Variants in PCCB observed in about 807,000 individuals in gnomAD.
PCCB encodes the protein propionyl-CoA carboxylase beta chain, mitochondrial.
A neutral mutation model predicts 60.7 loss-of-function variants in PCCB; 43 were observed. The ratio of observed to expected loss-of-function variants is 0.71; its 90% CI spans 0.55 to 0.91. The LOEUF (loss-of-function observed/expected upper bound fraction) is 0.91. PCCB is among the 40% of genes least tolerant of loss of function. The pLI is 0.00. For synonymous variants in PCCB, 276 were observed against 255.9 expected (o/e 1.08, Z -0.75); for missense variants, 766 against 702.8 (o/e 1.09, Z -1.02).
chr3:136,291,711 G>A (rs1933697909), intron 6 of PCCB, among the ~76,000 whole-genome samples: 1 of 152,164 alleles, frequency 6.6e-6, no homozygotes, highest in African/African-American at 2.4e-5. Flanking sequence ...ACTTCAGCAG[G>A]TTAGGCTCTT....
chr3:136,254,026 T>A (rs1208213610), intron 1 of PCCB, among the ~76,000 whole-genome samples: 2 of 152,022 alleles, frequency 1.3e-5, no homozygotes, highest in African/African-American at 4.8e-5. Flanking sequence ...TACGTGACAG[T>A]GTATAGGATT....
At chr3:136,282,956 T>C (rs1942519491) in intron 5 of PCCB, among the ~76,000 whole-genome samples, 1 of 152,204 alleles carries the variant, frequency 6.6e-6, no homozygotes, top group Admixed American at 6.5e-5. Context: ...TTTTTGACAA[T>C]GCTGTCCAGT....
chr3:136,257,444 C>T (rs936562919), intron 3 of PCCB, among the ~76,000 whole-genome samples: 1 of 152,130 alleles, frequency 6.6e-6, no homozygotes, highest in East Asian at 1.9e-4. Context: ...TCCTGTGTAG[C>T]GCTTCTAAAT....
intron 9 of PCCB, among the ~76,000 whole-genome samples, chr3:136,301,608 G>C (rs1934285265): frequency 6.6e-6 from 1 of 151,974 alleles, no homozygotes; most frequent in African/African-American, 2.4e-5. Flanking sequence ...TTAAGTAAAG[G>C]GGACAGTGTT....
At position 136,326,881 on chromosome 3, in the gene PCCB, C is replaced by G. The variant is rs201880353; in HGVS notation, c.1169C>G (p.Thr390Ser). 14 of 1,612,016 alleles carry G rather than the reference C, an allele frequency of 8.7e-6. No individual in the cohort carries two copies. Among genetic ancestry groups the G allele is most frequent in the Admixed American group, 1.7e-5 (1 of 60,002 alleles). ...GATGCATTCAATATTCCACTCATCACTTTTGTTGATGTCCCTGGCTTTCTA... is the reference window on the plus strand; with the variant it reads ...GATGCATTCAATATTCCACTCATCAGTTTTGTTGATGTCCCTGGCTTTCTA... ...FCDAFNIPLI[T>S]FVDVPGFLPG... is the part of the protein sequence containing the mutation. Residue 390 changes from threonine (T) to serine (S), a missense_variant, in exon 11 of 15, where the codon ACT becomes AGT. Thr to Ser is a moderately conservative substitution (Grantham distance 58). Transcript: ENST00000251654.
At chr3:136,263,245 G>A (rs1370839055) in intron 5 of PCCB, among the ~76,000 whole-genome samples, 2 of 134,656 alleles carry the variant, frequency 1.5e-5, no homozygotes, top group South Asian at 2.5e-4. Flanking sequence ...GAGCCACCGC[G>A]CCCAGCTGGT....
intron 10 of PCCB, among the ~76,000 whole-genome samples, chr3:136,319,346 G>T (rs1935027110): frequency 6.7e-6 from 1 of 149,624 alleles, no homozygotes; most frequent in Non-Finnish European, 1.5e-5. Context: ...TGTTCTATAG[G>T]TTGTCCTTGC....
rs763485353 is a variant in PCCB at position 136,255,964 on chromosome 3, GATAAGA to G, written c.298_303del (p.Asn100_Lys101del). On this transcript the variant is annotated inframe_deletion, in exon 2 of 15. Coordinates refer to ENST00000251654, the MANE Select transcript of PCCB (RefSeq NM_000532.5). ...ATGTGCAGATTTTGGAATGGCTGCT[GATAAGA>G]ATAAGGTATTTGTTCAAATGGTGGT... 1.2e-6 allele frequency: 2 copies of G among 1,614,186 alleles called. No individual in the cohort carries two copies. The highest frequency in any genetic ancestry group is 1.1e-5 in the South Asian group (1 of 91,082).
chr3:136,275,877 T>G (rs1182491199), intron 5 of PCCB, among the ~76,000 whole-genome samples: 1 of 152,162 alleles, frequency 6.6e-6, no homozygotes, highest in Non-Finnish European at 1.5e-5. Context: ...TTCAAGTGAT[T>G]CTCCTGCCTC....
chr3:136,278,226 C>T (rs888578784), intron 5 of PCCB, among the ~76,000 whole-genome samples: 1 of 152,150 alleles, frequency 6.6e-6, no homozygotes, highest in Non-Finnish European at 1.5e-5. Context: ...CCCCCATGGC[C>T]TGGATTTTCA....
chr3:136,279,387 G>A (rs1560008435), intron 5 of PCCB, among the ~76,000 whole-genome samples: 1 of 152,110 alleles, frequency 6.6e-6, no homozygotes. Flanking sequence ...CCTTGGGGTG[G>A]TGATATTTAG....
intron 9 of PCCB, 30 bp downstream of exon 9, chr3:136,301,141 T>C: frequency 6.4e-7 from 1 of 1,561,908 alleles, no homozygotes; most frequent in Non-Finnish European, 8.8e-7. Context: ...GTCTTGCCTG[T>C]CCTAGTCAGC....
intron 9 of PCCB, among the ~76,000 whole-genome samples, chr3:136,301,392 A>G (rs1450674909): frequency 6.6e-6 from 1 of 152,098 alleles, no homozygotes; most frequent in Non-Finnish European, 1.5e-5. Flanking sequence ...TGAGGATCAT[A>G]AATTAGGGGC....
intron 9 of PCCB, among the ~76,000 whole-genome samples, chr3:136,314,480 C>T (rs1934800759): frequency 6.6e-6 from 1 of 151,984 alleles, no homozygotes; most frequent in African/African-American, 2.4e-5. Context: ...TACGGTGAAA[C>T]CCTGTCTCTA....
At chr3:136,317,457 G>T (rs1450845821) in intron 10 of PCCB, among the ~76,000 whole-genome samples, 1 of 151,784 alleles carries the variant, frequency 6.6e-6, no homozygotes, top group Non-Finnish European at 1.5e-5. Context: ...TTGAACTCCT[G>T]AGCTCAAGTG....
At chr3:136,325,531 A>AT (rs1350988720) in intron 10 of PCCB, among the ~76,000 whole-genome samples, 1 of 149,752 alleles carries the variant, frequency 6.7e-6, no homozygotes, top group Non-Finnish European at 1.5e-5. Flanking sequence ...TAATTTTTGT[A>AT]TTTTTTAGTA....
At chr3:136,291,963 C>T (rs769875402) in intron 6 of PCCB, among the ~76,000 whole-genome samples, 5 of 152,168 alleles carry the variant, frequency 3.3e-5, no homozygotes, top group Non-Finnish European at 7.4e-5. Context: ...AGCAATTTGT[C>T]AGCTATAGTT....
chr3:136,329,370 C>T (rs779197097), intron 14 of PCCB, among the ~76,000 whole-genome samples: 2 of 152,144 alleles, frequency 1.3e-5, no homozygotes, highest in Non-Finnish European at 2.9e-5. Context: ...GAGGCTAGTC[C>T]AGGCTTCCTT....
At chr3:136,328,702 G>A (rs1935421908) in intron 13 of PCCB, 56 bp from the exon 14 acceptor site, 1 of 1,363,860 alleles carries the variant, frequency 7.3e-7, no homozygotes, top group Non-Finnish European at 1.0e-6. Context: ...ATGAGTTGAA[G>A]GAGATCTGTC....
Sources: allele counts gnomAD v4.1 joint callset (sites outside exome capture counted in the v4.1 genomes callset), GRCh38; gene constraint gnomAD v4.1.1; transcripts MANE v1.5; gene names NCBI Gene and HGNC (gene_info 2026-07-23, HGNC 2026-07-21).